Variants in LAMA1 observed in about 807,000 individuals in gnomAD.
The protein encoded by LAMA1 is laminin subunit alpha-1.
Under a neutral mutation model 348.7 loss-of-function variants are expected in LAMA1, and 219 were observed. The observed-to-expected ratio is 0.63, with a 90% CI of 0.56 to 0.70. The LOEUF (loss-of-function observed/expected upper bound fraction) is 0.70, where lower values mean the gene tolerates loss of function less well. Among genes scored for constraint, LAMA1 ranks in the 30% least tolerant of loss-of-function variants. The pLI, the probability that LAMA1 is intolerant of heterozygous loss-of-function variation, is 0.00. For synonymous variants in LAMA1, 1,487 were observed against 1,491.0 expected (o/e 1.00, Z 0.06); for missense variants, 3,744 against 3,888.0 (o/e 0.96, Z 0.99).
chr18:7,026,775 A>G (rs966752875), intron 16 of LAMA1, among the ~76,000 whole-genome samples: 1 of 151,826 alleles, frequency 6.6e-6, no homozygotes, highest in Admixed American at 6.6e-5. Context: ...AGGCAGGTGG[A>G]TTGCGAGGTC....
intron 39 of LAMA1, among the ~76,000 whole-genome samples, chr18:6,983,636 G>A (rs1348471002): frequency 6.6e-6 from 1 of 152,240 alleles, no homozygotes; most frequent in Non-Finnish European, 1.5e-5. Flanking sequence ...CCTCCAAGAA[G>A]TGTTTCTAAG....
At chr18:6,984,917 G>A (rs534306832) in intron 39 of LAMA1, among the ~76,000 whole-genome samples, 1 of 152,296 alleles carries the variant, frequency 6.6e-6, no homozygotes, top group South Asian at 2.1e-4. Flanking sequence ...ACAAAGCCCT[G>A]AGCATTCAGT....
In LAMA1 at chr18:6,955,470, AAG is replaced by A; in HGVS notation, c.8095-7_8095-6del. 1 of 1,609,778 alleles carries A rather than the reference AAG, an allele frequency of 6.2e-7. No individual in the cohort carries two copies. The highest frequency in any genetic ancestry group is 1.1e-5 in the South Asian group (1 of 90,942). Reference sequence around the variant, plus strand: ...TGCATCCACCACACACTGTTCCTGTAAGAGACACACAGGGACACTCAGCCGCC... The same window carrying A: ...TGCATCCACCACACACTGTTCCTGTAAGACACACAGGGACACTCAGCCGCC... On this transcript the variant is annotated splice_polypyrimidine_tract_variant and splice_region_variant and intron_variant, in intron 56 of 62. Coordinates refer to ENST00000389658, the MANE Select transcript of LAMA1 (RefSeq NM_005559.4).
intron 3 of LAMA1, among the ~76,000 whole-genome samples, chr18:7,060,874 G>C (rs1398072500): frequency 6.6e-6 from 1 of 152,188 alleles, no homozygotes; most frequent in Non-Finnish European, 1.5e-5. Flanking sequence ...AAAGTGTGCA[G>C]GCTGGGGGTG....
intron 34 of LAMA1, among the ~76,000 whole-genome samples, chr18:6,994,702 C>A (rs2057773423): frequency 8.3e-6 from 1 of 120,848 alleles, no homozygotes; most frequent in Non-Finnish European, 1.8e-5. Flanking sequence ...CACACACATA[C>A]AAAATTCATA....
chr18:7,092,014 C>T (rs185913350), intron 1 of LAMA1, among the ~76,000 whole-genome samples: 11 of 152,264 alleles, frequency 7.2e-5, no homozygotes, highest in Admixed American at 2.6e-4. Context: ...ATTTGAGTTA[C>T]GTTTTACCTT....
At chr18:7,063,939 G>A (rs528375393) in intron 3 of LAMA1, among the ~76,000 whole-genome samples, 14 of 152,116 alleles carry the variant, frequency 9.2e-5, no homozygotes, top group African/African-American at 3.1e-4. Context: ...TGGTGGTGAC[G>A]GTTGCACAAT....
At chr18:6,978,105 ATGT>A (rs1171571400) in intron 43 of LAMA1, 88 bp downstream of exon 43, 1 of 1,520,600 alleles carries the variant, frequency 6.6e-7, no homozygotes, top group African/African-American at 1.4e-5. Flanking sequence ...CTTTTCAGGA[ATGT>A]TGTGAAAAAC....
At chr18:6,956,848 T>C (rs1235683504) in intron 55 of LAMA1, 83 bp from the exon 56 acceptor site, 2 of 1,455,940 alleles carry the variant, frequency 1.4e-6, no homozygotes, top group East Asian at 2.3e-5. Flanking sequence ...AACTGTACAA[T>C]GAAAATCAAT....
chr18:6,965,389 AC>A lies in LAMA1; in HGVS notation c.7093del (p.Val2365LeufsTer2), dbSNP rs1156527523. The A allele has an allele frequency of 1.2e-6, 2 of 1,614,160 alleles. No individual in the cohort carries two copies. Among genetic ancestry groups the A allele is most frequent in the South Asian group, 2.2e-5 (2 of 91,078 alleles). ...GGGTCCTGAACCCAGGTCAGTCATA[AC>A]CTTCACTCTGCCACGAAACAGCTCG... ...SIELFRGRVK[V>X]MTDLGSGPIT... On this transcript the variant is annotated frameshift_variant, in exon 50 of 63. Transcript: ENST00000389658. LOFTEE classifies it high-confidence loss of function.
intron 3 of LAMA1, among the ~76,000 whole-genome samples, chr18:7,077,655 A>G (rs2058174851): frequency 6.6e-6 from 1 of 152,150 alleles, no homozygotes; most frequent in Non-Finnish European, 1.5e-5. Flanking sequence ...TTTGAAATCT[A>G]TATGTAAAAT....
intron 1 of LAMA1, among the ~76,000 whole-genome samples, chr18:7,103,871 G>C (rs1007657016): frequency 6.6e-6 from 1 of 151,574 alleles, no homozygotes; most frequent in Non-Finnish European, 1.5e-5. Context: ...TAGCCTTCTG[G>C]AGCCAGCCCC....
chr18:6,972,136 G>T, intron 47 of LAMA1, 155 bp from the exon 48 acceptor site: 1 of 769,792 alleles, frequency 1.3e-6, no homozygotes, highest in Non-Finnish European at 2.2e-6. Flanking sequence ...GTAATCACTG[G>T]ATTTCCTTTC....
intron 61 of LAMA1, among the ~76,000 whole-genome samples, chr18:6,945,267 A>G (rs2057516643): frequency 6.6e-6 from 1 of 152,166 alleles, no homozygotes; most frequent in East Asian, 1.9e-4. Context: ...TAGATGAGGG[A>G]AAAAGTTGGC....
At position 6,977,717 on chromosome 18, in the gene LAMA1, C is replaced by T; in HGVS notation, c.6345+10G>A. The T allele has an allele frequency of 6.2e-7, 1 of 1,613,910 alleles. No individual in the cohort carries two copies. The highest frequency in any genetic ancestry group is 8.5e-7 in the Non-Finnish European group (1 of 1,179,906). On this transcript the variant is annotated intron_variant, in intron 44 of 62. Transcript: ENST00000389658. ...GCCCAGTTACGAAAGCCACGGGGCCCCAAACTCACAGAAGCTGCTTGTTTG... is the reference window on the plus strand; with the variant it reads ...GCCCAGTTACGAAAGCCACGGGGCCTCAAACTCACAGAAGCTGCTTGTTTG...
At position 7,037,449 on chromosome 18, in the gene LAMA1, A is replaced by G. The variant is rs1019371477; in HGVS notation, c.1737+129T>C. On this transcript the variant is annotated intron_variant, in intron 12 of 62. Coordinates refer to ENST00000389658, the MANE Select transcript of LAMA1 (RefSeq NM_005559.4). ...TCTTTGTATCATCAGATGCAAGTACAGGCTATGAAATGCTGTCCAACACTC... is the reference window on the plus strand; with the variant it reads ...TCTTTGTATCATCAGATGCAAGTACGGGCTATGAAATGCTGTCCAACACTC... 6.1e-6 allele frequency: 6 copies of G among 980,350 alleles called. No homozygotes were observed. In the South Asian group the frequency reaches 8.0e-5, roughly 13 times the overall value. The allele number at this position is 980,350 out of a possible 1,614,324, so 60.7% of individuals were successfully genotyped here.
At chr18:6,954,071 C>G (rs1010185069) in intron 57 of LAMA1, 6 of 152,300 alleles carry the variant, frequency 3.9e-5, no homozygotes, top group Non-Finnish European at 7.3e-5. Context: ...CTGCGGTGCA[C>G]AGGGCTCTGA....
At chr18:7,106,913 T>C (rs187815229) in intron 1 of LAMA1, among the ~76,000 whole-genome samples, 1 of 151,888 alleles carries the variant, frequency 6.6e-6, no homozygotes, top group Non-Finnish European at 1.5e-5. Context: ...TGGCATATGA[T>C]GTAGAAGCTG....
At position 6,964,674 on chromosome 18, in the gene LAMA1, G is replaced by C. The variant is rs1467701857; in HGVS notation, c.7325C>G (p.Ser2442Ter). 2 of 1,614,024 alleles carry C rather than the reference G, an allele frequency of 1.2e-6. No individual in the cohort carries two copies. Among genetic ancestry groups the C allele is most frequent in the Non-Finnish European group, 1.7e-6 (2 of 1,180,048 alleles). The change falls in exon 51 of 63, where the codon TCA becomes TGA. Residue 2442 changes from serine to a stop codon, truncating the protein, a stop_gained. Transcript: ENST00000389658. LOFTEE classifies it high-confidence loss of function. ...DPIYVGGLPR[S>*]RVVRRGVTTK... ...CAGTTTAATATACCTTACAACTCTT[G>C]ACCTTGGTAATCCACCCACATAAAT...
Sources: allele counts gnomAD v4.1 joint callset (sites outside exome capture counted in the v4.1 genomes callset), GRCh38; gene constraint gnomAD v4.1.1; transcripts MANE v1.5; gene names NCBI Gene and HGNC (gene_info 2026-07-23, HGNC 2026-07-21).